Variants in CDK6 observed in about 807,000 individuals in gnomAD.
CDK6 encodes cyclin dependent kinase 6.
In CDK6, 6 loss-of-function variants were observed where a neutral mutation model predicts 37.1. The ratio of observed to expected loss-of-function variants is 0.16; its 90% CI spans 0.09 to 0.32. The LOEUF (loss-of-function observed/expected upper bound fraction) is 0.32. CDK6 is among the 10% of genes least tolerant of loss of function. The pLI, the probability that CDK6 is intolerant of heterozygous loss-of-function variation, is 1.00. For synonymous variants in CDK6, 160 were observed against 161.3 expected, an observed-to-expected ratio of 0.99 and a Z score of 0.06; for missense variants, 224 against 418.9, an observed-to-expected ratio of 0.53 and a Z score of 4.06.
chr7:92,608,137 A>G lies in CDK6; in HGVS notation c.*7003T>C. The G allele has an allele frequency of 4.3e-6, 1 of 232,896 alleles. No individual in the cohort carries two copies. The highest frequency in any genetic ancestry group is 8.5e-6 in the Non-Finnish European group (1 of 117,716). The allele number at this position is 232,896 out of a possible 1,614,324, so 14.4% of individuals were successfully genotyped here. A position where few individuals can be genotyped will look rare whatever the true frequency, so the allele number is the denominator to read the frequency against. On this transcript the variant is annotated 3_prime_UTR_variant, in exon 8 of 8. Transcript: ENST00000424848. ...GACCACAGAGAGTTAGAAATTAAAT[A>G]ATTGTGTGGCTCTATGTGTGCTGAT...
intron 2 of CDK6, among the ~76,000 whole-genome samples, chr7:92,783,720 G>A (rs898613443): frequency 3.3e-5 from 5 of 152,174 alleles, no homozygotes; most frequent in African/African-American, 1.2e-4. Flanking sequence ...TTGCACTATA[G>A]TAAATTTTGA....
At chr7:92,807,816 A>G (rs1308473201) in intron 2 of CDK6, among the ~76,000 whole-genome samples, 1 of 152,202 alleles carries the variant, frequency 6.6e-6, no homozygotes, top group Non-Finnish European at 1.5e-5. Flanking sequence ...CGAAAATTTT[A>G]TTAACTATAA....
intron 4 of CDK6, among the ~76,000 whole-genome samples, chr7:92,699,528 GA>G (rs1797795003): frequency 6.6e-6 from 1 of 152,140 alleles, no homozygotes; most frequent in African/African-American, 2.4e-5. Context: ...TGTCCTCATG[GA>G]CAATACACAT....
Position 92,614,429 on chromosome 7 carries a change from A to G in CDK6, c.*711T>C. The G allele has an allele frequency of 4.3e-6, 1 of 233,172 alleles. No individual in the cohort carries two copies. Among genetic ancestry groups the G allele is most frequent in the South Asian group, 1.8e-4 (1 of 5,526 alleles). 14.4% of individuals were successfully genotyped at this position (233,172 alleles called of 1,614,324 possible). ...TCTGAAGACTAAATAGAATGCATGC[A>G]CATCTCTTAAAATATACTAGAATTT... On this transcript the variant is annotated 3_prime_UTR_variant, in exon 8 of 8. Transcript: ENST00000424848.
At chr7:92,769,265 A>G (rs1433898465) in intron 3 of CDK6, among the ~76,000 whole-genome samples, 1 of 152,222 alleles carries the variant, frequency 6.6e-6, no homozygotes, top group Non-Finnish European at 1.5e-5. Context: ...TCACAGAGAA[A>G]ACGACCCACA....
chr7:92,801,720 C>A (rs537370655), intron 2 of CDK6, among the ~76,000 whole-genome samples: 1 of 151,924 alleles, frequency 6.6e-6, no homozygotes, highest in South Asian at 2.1e-4. Flanking sequence ...CTCCCAGGCT[C>A]AAACAATCCT....
intron 3 of CDK6, among the ~76,000 whole-genome samples, chr7:92,763,398 A>G (rs1799505205): frequency 6.6e-6 from 1 of 152,240 alleles, no homozygotes; most frequent in African/African-American, 2.4e-5. Flanking sequence ...AAGACCCTAG[A>G]GAACTGTTAA....
At chr7:92,799,553 C>T (rs975708245) in intron 2 of CDK6, among the ~76,000 whole-genome samples, 1 of 151,174 alleles carries the variant, frequency 6.6e-6, no homozygotes, top group Non-Finnish European at 1.5e-5. Context: ...ATTTAATATA[C>T]AGGGTCCTAT....
intron 6 of CDK6, among the ~76,000 whole-genome samples, chr7:92,620,053 G>A (rs1025363646): frequency 2.0e-5 from 3 of 151,972 alleles, no homozygotes; most frequent in African/African-American, 7.3e-5. Context: ...CAATATTTTT[G>A]TGTATATTCA....
chr7:92,689,078 T>C (rs956646247), intron 4 of CDK6, among the ~76,000 whole-genome samples: 2 of 152,182 alleles, frequency 1.3e-5, no homozygotes, highest in Non-Finnish European at 2.9e-5. Context: ...GAGTGCTACT[T>C]GGTGGCCAAC....
chr7:92,685,843 C>G (rs1434225578), intron 4 of CDK6, among the ~76,000 whole-genome samples: 1 of 152,172 alleles, frequency 6.6e-6, no homozygotes, highest in Admixed American at 6.6e-5. Context: ...TGATGTTAAG[C>G]AGTTATCTAT....
chr7:92,780,810 A>C (rs991955547), intron 2 of CDK6, among the ~76,000 whole-genome samples: 39 of 151,918 alleles, frequency 2.6e-4, no homozygotes, highest in African/African-American at 5.8e-4. Context: ...ACAACAACAA[A>C]AAAAACCAAA....
chr7:92,827,600 GC>G (rs1298175609), intron 2 of CDK6, among the ~76,000 whole-genome samples: 1 of 152,164 alleles, frequency 6.6e-6, no homozygotes, highest in Non-Finnish European at 1.5e-5. Flanking sequence ...TGGCCTGCCT[GC>G]TCCACCAAAC....
chr7:92,800,490 C>A (rs1438099900), intron 2 of CDK6, among the ~76,000 whole-genome samples: 1 of 152,154 alleles, frequency 6.6e-6, no homozygotes. Context: ...TCTGAATGGT[C>A]ACGATAGCTT....
At position 92,605,694 on chromosome 7, in the gene CDK6, T is replaced by C. The variant is rs931331667; in HGVS notation, c.*9446A>G. ...CTTCTTTTGCTTCAAGAGGGCTTTC[T>C]GTGTGTAATGGAGGGATGGTTGCTA... On this transcript the variant is annotated 3_prime_UTR_variant, in exon 8 of 8. Transcript: ENST00000424848. 3.4e-5 allele frequency: 8 copies of C among 233,228 alleles called. No individual in the cohort carries two copies. Among genetic ancestry groups the C allele is most frequent in the Non-Finnish European group, 6.8e-5 (8 of 118,112 alleles). 14.4% of individuals were successfully genotyped at this position (233,228 alleles called of 1,614,324 possible). A position where few individuals can be genotyped will look rare whatever the true frequency, so the allele number is the denominator to read the frequency against.
At chr7:92,758,514 C>T (rs1361440501) in intron 3 of CDK6, among the ~76,000 whole-genome samples, 2 of 152,124 alleles carry the variant, frequency 1.3e-5, no homozygotes, top group African/African-American at 2.4e-5. Flanking sequence ...GTACCAGTAC[C>T]GTGCTGCTTT....
intron 3 of CDK6, among the ~76,000 whole-genome samples, chr7:92,749,686 G>T (rs1562954832): frequency 6.6e-6 from 1 of 152,148 alleles, no homozygotes; most frequent in African/African-American, 2.4e-5. Flanking sequence ...GGTGTGTCCT[G>T]TAAGTTTTTG....
At chr7:92,710,472 G>A (rs759560060) in intron 4 of CDK6, among the ~76,000 whole-genome samples, 67 of 152,202 alleles carry the variant, frequency 4.4e-4, no homozygotes, top group Non-Finnish European at 2.2e-4. Flanking sequence ...TTCGGTTATC[G>A]GAACCAAGAT....
In CDK6 at chr7:92,608,423, A is replaced by T. The variant is rs561467795; in HGVS notation, c.*6717T>A. ...AATTGAGAGCTTTTGCCAACTGAAG[A>T]CGAAGCAGAAAATAAACTTTTCAAA... On this transcript the variant is annotated 3_prime_UTR_variant, in exon 8 of 8. Transcript: ENST00000424848. The T allele has an allele frequency of 4.3e-6, 1 of 231,156 alleles. No individual in the cohort carries two copies. Among genetic ancestry groups the T allele is most frequent in the South Asian group, 1.8e-4 (1 of 5,514 alleles). The allele number at this position is 231,156 out of a possible 1,614,324, so 14.3% of individuals were successfully genotyped here. A position where few individuals can be genotyped will look rare whatever the true frequency, so the allele number is the denominator to read the frequency against.
Sources: gnomAD v4.1 joint callset for allele counts (sites outside exome capture counted in the v4.1 genomes callset) on GRCh38, gnomAD v4.1.1 for gene constraint, MANE v1.5 for transcripts, NCBI Gene and HGNC (gene_info 2026-07-23, HGNC 2026-07-21) for gene names.